KHDRBS2: variants seen among roughly 807,000 people sequenced by gnomAD.
KHDRBS2 encodes KH RNA binding domain containing, signal transduction associated 2, also known as KH domain-containing, RNA-binding, signal transduction-associated protein 2.
In KHDRBS2, 26 loss-of-function variants were observed where a neutral mutation model predicts 44.3. The observed-to-expected ratio is 0.59, with a 90% CI of 0.43 to 0.81. The LOEUF (loss-of-function observed/expected upper bound fraction) is 0.81. Among genes scored for constraint, KHDRBS2 ranks in the 40% least tolerant of loss-of-function variants. The probability of loss-of-function intolerance (pLI) is 0.00; values close to 1 mark genes in which losing one functional copy is unlikely to be tolerated. For missense variants in KHDRBS2, 476 were observed against 433.1 expected (o/e 1.10, Z -0.88); for synonymous variants, 194 against 151.1 (o/e 1.28, Z -2.08).
At chr6:61,739,970 C>T (rs1775914024) in intron 6 of KHDRBS2, among the ~76,000 whole-genome samples, 1 of 151,858 alleles carries the variant, frequency 6.6e-6, no homozygotes, top group African/African-American at 2.4e-5. Context: ...GTTTAACAAT[C>T]AATTTACAAA....
At chr6:62,174,161 C>T (rs1820632958) in intron 2 of KHDRBS2, among the ~76,000 whole-genome samples, 1 of 151,758 alleles carries the variant, frequency 6.6e-6, no homozygotes, top group African/African-American at 2.4e-5. Flanking sequence ...TATAAAGCCC[C>T]ATAGTCTCTT....
At chr6:62,029,031 C>A (rs1783875158) in intron 3 of KHDRBS2, among the ~76,000 whole-genome samples, 1 of 151,966 alleles carries the variant, frequency 6.6e-6, no homozygotes, top group African/African-American at 2.4e-5. Context: ...GCACATGTAT[C>A]TGGCAAATTA....
intron 3 of KHDRBS2, among the ~76,000 whole-genome samples, chr6:62,030,145 C>T (rs1484578357): frequency 1.3e-5 from 2 of 151,998 alleles, no homozygotes; most frequent in East Asian, 1.9e-4. Context: ...AGGAAATCTG[C>T]TTTAACATCA....
intron 4 of KHDRBS2, among the ~76,000 whole-genome samples, chr6:61,912,216 A>G (rs757622253): frequency 1.3e-5 from 2 of 152,222 alleles, no homozygotes; most frequent in Non-Finnish European, 2.9e-5. Flanking sequence ...AGTACAATAC[A>G]GTGAAAAAGT....
the KHDRBS2 span, among the ~76,000 whole-genome samples, chr6:61,557,595 T>C: frequency 2.0e-5 from 3 of 152,226 alleles, no homozygotes; most frequent in African/African-American, 7.2e-5. Context: ...TAGTTTTCTT[T>C]TTTTGATGTG....
chr6:62,189,340 T>TTTTTA (rs533464057), intron 1 of KHDRBS2, among the ~76,000 whole-genome samples: 218 of 151,816 alleles, frequency 1.4e-3, no homozygotes, highest in Non-Finnish European at 2.3e-3. Flanking sequence ...TTTTTTAAAT[T>TTTTTA]TTTTATTTTA....
the KHDRBS2 span, among the ~76,000 whole-genome samples, chr6:61,549,605 T>C: frequency 1.3e-5 from 2 of 152,282 alleles, no homozygotes; most frequent in African/African-American, 2.4e-5. Context: ...CTATATGTTT[T>C]GGTGGAAGTA....
intron 6 of KHDRBS2, among the ~76,000 whole-genome samples, chr6:61,815,045 G>A (rs529691554): frequency 6.4e-4 from 97 of 151,958 alleles, no homozygotes; most frequent in Middle Eastern, 3.4e-3. Context: ...GCATTGTTTA[G>A]GAAATAACGA....
chr6:62,151,260 T>A (rs78307773), intron 2 of KHDRBS2, among the ~76,000 whole-genome samples: 33 of 152,284 alleles, frequency 2.2e-4, no homozygotes, highest in African/African-American at 7.9e-4. Context: ...AAGTGGCCAA[T>A]AGATAGTTGC....
At chr6:62,021,631 T>C (rs1264137158) in intron 3 of KHDRBS2, among the ~76,000 whole-genome samples, 5 of 151,708 alleles carry the variant, frequency 3.3e-5, no homozygotes, top group Non-Finnish European at 5.9e-5. Context: ...CCAAGGTTTA[T>C]GTTATCTAGT....
rs202169817 is a variant in KHDRBS2 at position 61,923,338 on chromosome 6, GACTATTATA to G, written c.484-21976_484-21968del. Among the ~76,000 whole-genome samples, 943 of 152,088 alleles carry G rather than the reference GACTATTATA, an allele frequency of 6.2e-3. 33 individuals are homozygous for G. Among genetic ancestry groups the G allele is most frequent in the Admixed American group, 0.057 (868 of 15,264 alleles). ...TGCAGATATTAAAAGTATAGTAATG[GACTATTATA>G]ACTATGCCAATAAATTCAACAATTT... On this transcript the variant is annotated intron_variant, in intron 4 of 8. Transcript: ENST00000281156.
intron 1 of KHDRBS2, among the ~76,000 whole-genome samples, chr6:62,183,899 T>C (rs1283519663): frequency 6.6e-6 from 1 of 151,708 alleles, no homozygotes; most frequent in Admixed American, 6.6e-5. Context: ...ATTTTACAAA[T>C]GATACTTAAC....
chr6:61,592,180 G>A, the KHDRBS2 span, among the ~76,000 whole-genome samples: 6 of 85,140 alleles, frequency 7.0e-5, no homozygotes, highest in Admixed American at 1.0e-3. Flanking sequence ...GACAGAGCAA[G>A]ATCCCACCAA....
chr6:62,077,698 C>T (rs575555768), intron 2 of KHDRBS2, among the ~76,000 whole-genome samples: 1 of 152,122 alleles, frequency 6.6e-6, no homozygotes, highest in Admixed American at 6.6e-5. Context: ...ACCGCAGCAA[C>T]TGAATGAGGG....
At chr6:61,544,496 AG>A in the KHDRBS2 span, among the ~76,000 whole-genome samples, 1 of 152,262 alleles carries the variant, frequency 6.6e-6, no homozygotes, top group African/African-American at 2.4e-5. Context: ...TAAATAATAA[AG>A]GGCAAAGCAA....
chr6:62,210,085 G>C (rs1291334277), intron 1 of KHDRBS2, among the ~76,000 whole-genome samples: 1 of 152,022 alleles, frequency 6.6e-6, no homozygotes, highest in African/African-American at 2.4e-5. Flanking sequence ...TGTCCCTCTA[G>C]AAAACCCTAA....
chr6:62,194,479 C>A (rs1563039674), intron 1 of KHDRBS2, among the ~76,000 whole-genome samples: 2 of 86,808 alleles, frequency 2.3e-5, no homozygotes, highest in African/African-American at 5.0e-5. Context: ...TTCTTTTCTT[C>A]CTTTTTTTTT....
chr6:61,978,029 A>G (rs1164934847), intron 4 of KHDRBS2, 37 bp downstream of exon 4: 3 of 1,538,388 alleles, frequency 2.0e-6, no homozygotes, highest in Non-Finnish European at 2.6e-6. Context: ...ATAGAAGCTG[A>G]TAAGAAACAT....
chr6:62,233,117 A>G (rs1833149080), intron 1 of KHDRBS2, among the ~76,000 whole-genome samples: 1 of 152,144 alleles, frequency 6.6e-6, no homozygotes, highest in Admixed American at 6.6e-5. Context: ...AATTCCCTTG[A>G]AGCTAGGAAG....
Sources: gnomAD v4.1 joint callset for allele counts (sites outside exome capture counted in the v4.1 genomes callset) on GRCh38, gnomAD v4.1.1 for gene constraint, MANE v1.5 for transcripts, NCBI Gene and HGNC (gene_info 2026-07-23, HGNC 2026-07-21) for gene names.